The following TATDN3 variants were observed in gnomAD, a reference collection of about 807,000 sequenced individuals.
TATDN3 encodes the protein deoxyribonuclease TATDN3.
In TATDN3, 29 loss-of-function variants were observed where a neutral mutation model predicts 40.1. The ratio of observed to expected loss-of-function variants is 0.72; its 90% CI spans 0.54 to 0.99. TATDN3 has a LOEUF of 0.99. Among genes scored for constraint, TATDN3 ranks in the 50% least tolerant of loss-of-function variants. The probability of loss-of-function intolerance (pLI) is 0.00; values close to 1 mark genes in which losing one functional copy is unlikely to be tolerated. For missense variants in TATDN3, 309 were observed against 321.9 expected (o/e 0.96, Z 0.31); for synonymous variants, 105 against 117.0 (o/e 0.90, Z 0.66).
At chr1:212,792,052 C>T in intron 1 of TATDN3, 65 bp downstream of exon 1, 2 of 1,517,318 alleles carry the variant, frequency 1.3e-6, no homozygotes, top group Non-Finnish European at 1.8e-6. Flanking sequence ...CTCGTGTTAT[C>T]TTTGCTCTCC....
intron 7 of TATDN3, among the ~76,000 whole-genome samples, chr1:212,806,767 T>TCC (rs1558083684): frequency 2.6e-5 from 3 of 115,500 alleles, no homozygotes; most frequent in Non-Finnish European, 3.6e-5. Context: ...TATATATATA[T>TCC]ATATATATAT....
chr1:212,796,676 A>AG (rs1661786863), intron 3 of TATDN3, 86 bp downstream of exon 3: 1 of 915,640 alleles, frequency 1.1e-6, no homozygotes, highest in Admixed American at 2.7e-5. Flanking sequence ...ATCCATTTTT[A>AG]AAGAGAATAA....
At chr1:212,805,909 A>G (rs1662435832) in intron 7 of TATDN3, among the ~76,000 whole-genome samples, 1 of 138,800 alleles carries the variant, frequency 7.2e-6, no homozygotes, top group African/African-American at 2.7e-5. Context: ...GTGTACGTAT[A>G]GGTATGTAAG....
In TATDN3 at chr1:212,815,089, T is replaced by C; in HGVS notation, c.758T>C (p.Val253Ala). ...AQVKGISVEE[V>A]IEVTTQNALK... The stretch of plus-strand genomic sequence containing the variant: ...GTGAAAGGGATCTCAGTGGAAGAAG[T>C]TATAGAAGTGACGACACAGAATGCA... The change falls in exon 10 of 10, where the codon GTT becomes GCT. Residue 253 changes from valine to alanine, a missense_variant. By Grantham distance (64) the Val-to-Ala change is moderately conservative. Transcript: ENST00000366974. 1 of 1,614,094 alleles carries C rather than the reference T, an allele frequency of 6.2e-7. No individual in the cohort carries two copies. Among genetic ancestry groups the C allele is most frequent in the Non-Finnish European group, 8.5e-7 (1 of 1,180,004 alleles).
chr1:212,802,405 A>G lies in TATDN3; in HGVS notation c.259-296A>G, dbSNP rs545792385. 2.6e-5 allele frequency among the ~76,000 whole-genome samples: 4 copies of G among 152,346 alleles called. No homozygotes were observed. In the East Asian group the frequency reaches 7.7e-4, roughly 29 times the overall value. ...TTTTCTTAGTGATTTCAGAATGTCC[A>G]AATGCCTCCTAAATGTCAGGAAATA... On this transcript the variant is annotated intron_variant, in intron 4 of 9. Coordinates refer to ENST00000366974, the MANE Select transcript of TATDN3 (RefSeq NM_001042552.3).
At chr1:212,806,702 T>A (rs1298727358) in intron 7 of TATDN3, among the ~76,000 whole-genome samples, 1 of 141,976 alleles carries the variant, frequency 7.0e-6, no homozygotes, top group African/African-American at 2.6e-5. Context: ...ATATTTCAAT[T>A]TTATTCTGAA....
At position 212,795,130 on chromosome 1, in the gene TATDN3, A is replaced by T; in HGVS notation, c.99+3A>T. ...ATGTGTTGGAGAAAGCCAAGAAGGT[A>T]AGTCAATATTTGTAATTGCTCTTTT... On this transcript the variant is annotated splice_donor_region_variant and intron_variant, in intron 2 of 9. Transcript: ENST00000366974. 1 of 1,611,192 alleles carries T rather than the reference A, an allele frequency of 6.2e-7. No individual in the cohort carries two copies. The highest frequency in any genetic ancestry group is 8.5e-7 in the Non-Finnish European group (1 of 1,177,916).
Position 212,791,939 on chromosome 1 carries a change from A to T in TATDN3, c.18A>T (p.Val6=). Residue 6 remains valine, a synonymous_variant, in exon 1 of 10, where the codon GTA becomes GTT. Coordinates refer to ENST00000366974, the MANE Select transcript of TATDN3 (RefSeq NM_001042552.3). ...GGGGCGCAATGCGAGCGGCTGGCGT[A>T]GGCTTGGTGGACTGTCACTGCCACC... is the stretch of plus-strand genomic sequence containing the variant. The part of the protein sequence containing the change: MRAAG[V]GLVDCHCHLS... 3.1e-6 allele frequency: 5 copies of T among 1,613,680 alleles called. No individual in the cohort carries two copies. The highest frequency in any genetic ancestry group is 4.2e-6 in the Non-Finnish European group (5 of 1,179,894).
chr1:212,805,386 G>A (rs1263480897), intron 7 of TATDN3, among the ~76,000 whole-genome samples: 2 of 151,954 alleles, frequency 1.3e-5, no homozygotes, highest in Non-Finnish European at 2.9e-5. Flanking sequence ...ATCCCAAGTA[G>A]CTAGCATTAC....
rs199947964 is a variant in TATDN3 at position 212,806,858 on chromosome 1, ATGTATATACACATATATACATATG to A, written c.488-876_488-853del. Among the ~76,000 whole-genome samples the A allele has an allele frequency of 9.2e-3, 140 of 15,150 alleles. 5 individuals carry two copies. The highest frequency in any genetic ancestry group is 0.049 in the South Asian group (37 of 754). The allele number at this position is 15,150 out of a possible 152,430, so 9.9% of individuals were successfully genotyped here. On this transcript the variant is annotated intron_variant, in intron 7 of 9. Transcript: ENST00000366974. ...TATACATATATACACATATATACAT[ATGTATATACACATATATACATATG>A]TATATACACATATATACATATGTAT... is the stretch of plus-strand genomic sequence containing the variant.
chr1:212,803,454 G>T (rs1485913330), intron 5 of TATDN3, among the ~76,000 whole-genome samples: 1 of 152,062 alleles, frequency 6.6e-6, no homozygotes, highest in Admixed American at 6.6e-5. Context: ...AAAGTGCTGG[G>T]ATTACAGGCT....
intron 8 of TATDN3, among the ~76,000 whole-genome samples, chr1:212,809,757 C>T (rs1220662883): frequency 1.3e-5 from 2 of 151,726 alleles, no homozygotes; most frequent in African/African-American, 2.4e-5. Flanking sequence ...GGCACTGTGG[C>T]TCACACCTGT....
intron 1 of TATDN3, among the ~76,000 whole-genome samples, chr1:212,792,473 CA>C (rs571045425): frequency 6.8e-4 from 82 of 120,456 alleles, no homozygotes; most frequent in South Asian, 1.4e-3. Flanking sequence ...CTCGTCCCTA[CA>C]AAAAAAAAAA....
chr1:212,799,257 C>A (rs12128410), intron 4 of TATDN3, among the ~76,000 whole-genome samples: 2 of 151,874 alleles, frequency 1.3e-5, no homozygotes, highest in Non-Finnish European at 2.9e-5. Context: ...AGTACCAAGA[C>A]GTAATTTATG....
chr1:212,791,894 G>T lies in TATDN3; in HGVS notation c.-28G>T. ...CGTTCCGGCTCCGGCTCTGCTGGCC[G>T]GTCTAAAGCGGCAGCCGCCGGGGCG... On this transcript the variant is annotated 5_prime_UTR_variant, in exon 1 of 10. Coordinates refer to ENST00000366974, the MANE Select transcript of TATDN3 (RefSeq NM_001042552.3). The T allele has an allele frequency of 6.2e-7, 1 of 1,612,182 alleles. No homozygotes were observed. Among genetic ancestry groups the T allele is most frequent in the Non-Finnish European group, 8.5e-7 (1 of 1,179,110 alleles).
chr1:212,793,245 C>T (rs1263910021), intron 1 of TATDN3, among the ~76,000 whole-genome samples: 1 of 152,074 alleles, frequency 6.6e-6, no homozygotes, highest in East Asian at 1.9e-4. Flanking sequence ...TTGAGTCTGG[C>T]TGTGTCCCTC....
intron 1 of TATDN3, among the ~76,000 whole-genome samples, chr1:212,792,374 G>A (rs1277584330): frequency 6.6e-6 from 1 of 151,356 alleles, no homozygotes; most frequent in Non-Finnish European, 1.5e-5. Flanking sequence ...GCTCACGCCC[G>A]TAATCCCAGC....
rs370867349 is a variant in TATDN3 at position 212,804,586 on chromosome 1, C to T, written c.432-10C>T. On this transcript the variant is annotated splice_polypyrimidine_tract_variant and intron_variant, in intron 6 of 9. Transcript: ENST00000366974. ...TGGTACTTAAAAGAAATGTTGTTAT[C>T]GTTAAACAGAAATGTGCACTCACGC... 2.4e-5 allele frequency: 38 copies of T among 1,611,600 alleles called. No individual in the cohort carries two copies. Among genetic ancestry groups the T allele is most frequent in the Admixed American group, 3.4e-5 (2 of 59,570 alleles).
intron 8 of TATDN3, among the ~76,000 whole-genome samples, chr1:212,810,561 C>T (rs1020075866): frequency 1.3e-5 from 2 of 148,552 alleles, no homozygotes; most frequent in Admixed American, 1.4e-4. Context: ...GTGGTGTGTG[C>T]CTATAGTCCC....
Sources: allele counts gnomAD v4.1 joint callset (sites outside exome capture counted in the v4.1 genomes callset), GRCh38; gene constraint gnomAD v4.1.1; transcripts MANE v1.5; gene names NCBI Gene and HGNC (gene_info 2026-07-23, HGNC 2026-07-21).